NELL2: variants seen among roughly 807,000 people sequenced by gnomAD.
The protein encoded by NELL2 is neural EGFL like 2, also known as protein kinase C-binding protein NELL2.
A neutral mutation model predicts 109.6 loss-of-function variants in NELL2; 41 were observed. That is an observed-to-expected ratio of 0.37 (90% confidence interval 0.29 to 0.49). The LOEUF is 0.49. Ranked by LOEUF, NELL2 falls within the 20% of genes least tolerant of loss-of-function variation. The probability of loss-of-function intolerance (pLI) is 0.98; values close to 1 mark genes in which losing one functional copy is unlikely to be tolerated. For missense variants in NELL2, 900 were observed against 1,008.3 expected, an observed-to-expected ratio of 0.89 and a Z score of 1.45; for synonymous variants, 355 against 344.7, an observed-to-expected ratio of 1.03 and a Z score of -0.33.
At chr12:44,535,568 T>G (rs1292824822) in intron 15 of NELL2, among the ~76,000 whole-genome samples, 2 of 152,034 alleles carry the variant, frequency 1.3e-5, no homozygotes, top group Non-Finnish European at 2.9e-5. Flanking sequence ...TTTACAATCA[T>G]ATAGAACAGT....
At chr12:44,770,432 C>A (rs542666169) in intron 9 of NELL2, among the ~76,000 whole-genome samples, 38 of 152,256 alleles carry the variant, frequency 2.5e-4, no homozygotes, top group African/African-American at 8.2e-4. Flanking sequence ...GTTGTGGAGT[C>A]AGAATTCAGA....
At chr12:44,516,489 A>G (rs1387831792) in intron 19 of NELL2, among the ~76,000 whole-genome samples, 2 of 152,236 alleles carry the variant, frequency 1.3e-5, no homozygotes, top group East Asian at 1.9e-4. Context: ...AGAAATTATT[A>G]GGAGAAACTT....
intron 9 of NELL2, among the ~76,000 whole-genome samples, chr12:44,747,116 G>A (rs1254830216): frequency 1.3e-5 from 2 of 152,208 alleles, no homozygotes; most frequent in African/African-American, 4.8e-5. Context: ...ATACTATGCA[G>A]CCATAAAACG....
chr12:44,784,087 G>GA (rs1319133599), intron 3 of NELL2, among the ~76,000 whole-genome samples: 2 of 152,064 alleles, frequency 1.3e-5, no homozygotes, highest in African/African-American at 4.8e-5. Flanking sequence ...GACTTATGCA[G>GA]AAAAAGCATT....
chr12:44,544,848 AT>A (rs1942727952), intron 15 of NELL2, among the ~76,000 whole-genome samples: 5 of 152,070 alleles, frequency 3.3e-5, no homozygotes, highest in Admixed American at 3.3e-4. Context: ...ATCAGAATTG[AT>A]ACTGCAAGAT....
intron 2 of NELL2, among the ~76,000 whole-genome samples, chr12:44,869,756 A>ATAT (rs527962113): frequency 1.3e-5 from 2 of 152,296 alleles, no homozygotes; most frequent in East Asian, 3.9e-4. Context: ...CACTAGCAAA[A>ATAT]TATTTTCTAG....
At chr12:44,626,109 T>C (rs1312956329) in intron 13 of NELL2, among the ~76,000 whole-genome samples, 2 of 152,208 alleles carry the variant, frequency 1.3e-5, no homozygotes, top group Non-Finnish European at 2.9e-5. Flanking sequence ...TATTTGAATG[T>C]AGTCAGTTAA....
chr12:44,901,265 T>G (rs1224120698), intron 1 of NELL2, among the ~76,000 whole-genome samples: 1 of 152,000 alleles, frequency 6.6e-6, no homozygotes, highest in African/African-American at 2.4e-5. Flanking sequence ...GAGAATACTA[T>G]AAATACATCT....
chr12:44,602,050 T>C (rs549285893), intron 15 of NELL2, among the ~76,000 whole-genome samples: 2 of 152,270 alleles, frequency 1.3e-5, no homozygotes, highest in Admixed American at 1.3e-4. Flanking sequence ...CTAAGCCAAT[T>C]CAAGCAGGGT....
chr12:44,629,819 C>T (rs1277949730), intron 13 of NELL2, among the ~76,000 whole-genome samples: 7 of 152,270 alleles, frequency 4.6e-5, no homozygotes, highest in Non-Finnish European at 8.8e-5. Flanking sequence ...TTCAACAACA[C>T]TGTAATTATT....
chr12:44,561,306 A>G (rs1177299503), intron 15 of NELL2, among the ~76,000 whole-genome samples: 1 of 152,234 alleles, frequency 6.6e-6, no homozygotes, highest in African/African-American at 2.4e-5. Flanking sequence ...CCTATTCAAC[A>G]TAGTATTGGA....
chr12:44,596,148 C>T (rs1234508123), intron 15 of NELL2, among the ~76,000 whole-genome samples: 1 of 152,106 alleles, frequency 6.6e-6, no homozygotes, highest in Admixed American at 6.5e-5. Context: ...GGTATTAAGC[C>T]CCAAGAGAAA....
chr12:44,518,085 A>G (rs1941354265), intron 19 of NELL2, among the ~76,000 whole-genome samples: 1 of 152,218 alleles, frequency 6.6e-6, no homozygotes, highest in Non-Finnish European at 1.5e-5. Context: ...CAAGAGATAA[A>G]GAAAATAGTA....
At position 44,727,966 on chromosome 12, in the gene NELL2, T is replaced by TC. The variant is rs552403913; in HGVS notation, c.995-13226dup. 1.4e-4 allele frequency among the ~76,000 whole-genome samples: 22 copies of TC among 152,110 alleles called. No homozygotes were observed. The South Asian group carries it at 3.5e-3, about 24-fold the overall frequency. On this transcript the variant is annotated intron_variant, in intron 9 of 19. Coordinates refer to ENST00000429094, the MANE Select transcript of NELL2 (RefSeq NM_001145108.2). ...ATGCTATTATATATATGGATGAATT[T>TC]CCCCTCAGCCACATTTATTGAGAAG...
chr12:44,562,843 T>C (rs1233438926), intron 15 of NELL2, among the ~76,000 whole-genome samples: 2 of 152,218 alleles, frequency 1.3e-5, no homozygotes, highest in Non-Finnish European at 2.9e-5. Flanking sequence ...TTATAAATTA[T>C]TCTACTATAA....
At chr12:44,599,973 T>TA (rs1393900391) in intron 15 of NELL2, among the ~76,000 whole-genome samples, 2 of 146,968 alleles carry the variant, frequency 1.4e-5, no homozygotes, top group Non-Finnish European at 3.0e-5. Context: ...TTTTTTTTTT[T>TA]TTTTTTGAGA....
At chr12:44,822,620 TATC>T (rs2136700794) in intron 2 of NELL2, among the ~76,000 whole-genome samples, 1 of 152,308 alleles carries the variant, frequency 6.6e-6, no homozygotes, top group East Asian at 1.9e-4. Flanking sequence ...TAGAGAAACT[TATC>T]GACATGCCTA....
intron 15 of NELL2, among the ~76,000 whole-genome samples, chr12:44,564,838 GTGCATT>G (rs1943594874): frequency 1.3e-5 from 2 of 152,176 alleles, no homozygotes; most frequent in Admixed American, 1.3e-4. Flanking sequence ...TATAATTCCT[GTGCATT>G]TGCTATGAAA....
chr12:44,756,450 T>C (rs577787517), intron 9 of NELL2, among the ~76,000 whole-genome samples: 1 of 152,124 alleles, frequency 6.6e-6, no homozygotes, highest in East Asian at 1.9e-4. Flanking sequence ...ATCCAGTAAC[T>C]ACCCCATGCA....
Sources: gnomAD v4.1 joint callset for allele counts (sites outside exome capture counted in the v4.1 genomes callset) on GRCh38, gnomAD v4.1.1 for gene constraint, MANE v1.5 for transcripts, NCBI Gene and HGNC (gene_info 2026-07-23, HGNC 2026-07-21) for gene names.